MGAT4C: variants seen among roughly 807,000 people sequenced by gnomAD.
The protein encoded by MGAT4C is MGAT4 family member C.
A neutral mutation model predicts 40.1 loss-of-function variants in MGAT4C; 19 were observed. The ratio of observed to expected loss-of-function variants is 0.47; its 90% CI spans 0.33 to 0.70. The LOEUF is 0.70. Ranked by LOEUF, MGAT4C falls within the 30% of genes least tolerant of loss-of-function variation. MGAT4C has a pLI of 0.02. For synonymous variants in MGAT4C, 181 were observed against 187.1 expected, an observed-to-expected ratio of 0.97 and a Z score of 0.27; for missense variants, 491 against 563.2, an observed-to-expected ratio of 0.87 and a Z score of 1.30.
chr12:86,154,539 C>T (rs752576822), intron 1 of MGAT4C, among the ~76,000 whole-genome samples: 2 of 152,240 alleles, frequency 1.3e-5, no homozygotes, highest in Admixed American at 1.3e-4. Flanking sequence ...AAACTTGCTT[C>T]TTGTAACTTC....
intron 1 of MGAT4C, among the ~76,000 whole-genome samples, chr12:86,774,303 C>CTTTCT (rs1491273596): frequency 2.8e-4 from 7 of 24,868 alleles, no homozygotes; most frequent in Middle Eastern, 0.015. Context: ...TTCTTTCTTT[C>CTTTCT]TTTCTTTCTT....
intron 4 of MGAT4C, among the ~76,000 whole-genome samples, chr12:86,306,745 T>C (rs1369882450): frequency 2.7e-5 from 4 of 150,532 alleles, no homozygotes; most frequent in Non-Finnish European, 4.4e-5. Context: ...TTTACATATA[T>C]ACATGCTAAG....
rs527699394 is a variant in MGAT4C at position 85,969,413 on chromosome 12, G to C, written c.*9876C>G. On this transcript the variant is annotated 3_prime_UTR_variant, in exon 5 of 5. Coordinates refer to ENST00000611864, the MANE Select transcript of MGAT4C (RefSeq NM_001351288.2). ...TTGGTATGTTTGGGGCTGGTGTTAT[G>C]AAAGACTATTATATGATTAATACAA... is the stretch of plus-strand genomic sequence containing the variant. 6.6e-6 allele frequency: 1 copy of C among 151,696 alleles called. No individual in the cohort carries two copies. The highest frequency in any genetic ancestry group is 1.9e-4 in the East Asian group (1 of 5,174). 9.4% of individuals were successfully genotyped at this position (151,696 alleles called of 1,614,324 possible). A position where few individuals can be genotyped will look rare whatever the true frequency, so the allele number is the denominator to read the frequency against.
intron 1 of MGAT4C, among the ~76,000 whole-genome samples, chr12:86,237,365 G>A (rs1348548031): frequency 1.3e-5 from 2 of 151,638 alleles, no homozygotes; most frequent in Non-Finnish European, 3.0e-5. Flanking sequence ...AATTAAAGGG[G>A]AAAATGTGTA....
chr12:86,837,337 CCT>C (rs1457434509), intron 1 of MGAT4C, among the ~76,000 whole-genome samples: 3 of 151,948 alleles, frequency 2.0e-5, no homozygotes, highest in Non-Finnish European at 4.4e-5. Context: ...TTTTACAATC[CCT>C]GTGAGGAAAA....
At chr12:86,472,442 T>A (rs1957769757) in intron 2 of MGAT4C, among the ~76,000 whole-genome samples, 2 of 152,126 alleles carry the variant, frequency 1.3e-5, no homozygotes, top group Non-Finnish European at 2.9e-5. Context: ...ACATCTGAGG[T>A]TTTGGTAGTC....
chr12:86,227,396 T>G (rs1360319202), intron 1 of MGAT4C, among the ~76,000 whole-genome samples: 1 of 151,852 alleles, frequency 6.6e-6, no homozygotes, highest in Non-Finnish European at 1.5e-5. Context: ...GACTTACTAT[T>G]TCTCTCTGTA....
At chr12:86,155,561 A>G (rs1884831175) in intron 1 of MGAT4C, among the ~76,000 whole-genome samples, 2 of 152,238 alleles carry the variant, frequency 1.3e-5, no homozygotes, top group Non-Finnish European at 2.9e-5. Context: ...GCTTCAGTAC[A>G]TGGAGAGATG....
chr12:86,079,013 A>G (rs563968102), intron 1 of MGAT4C, among the ~76,000 whole-genome samples: 2 of 152,296 alleles, frequency 1.3e-5, no homozygotes, highest in South Asian at 2.1e-4. Flanking sequence ...TTAAAATTAG[A>G]CCTAGACGAG....
intron 1 of MGAT4C, among the ~76,000 whole-genome samples, chr12:86,058,072 A>C (rs888996276): frequency 6.6e-6 from 1 of 152,128 alleles, no homozygotes; most frequent in Non-Finnish European, 1.5e-5. Context: ...GAGAGAGTAA[A>C]TAAAATGTAC....
In MGAT4C at chr12:85,975,270, A is replaced by T. The variant is rs546988238; in HGVS notation, c.*4019T>A. The T allele has an allele frequency of 6.6e-6, 1 of 151,116 alleles. No individual in the cohort carries two copies. The highest frequency in any genetic ancestry group is 6.6e-5 in the Admixed American group (1 of 15,132). The allele number at this position is 151,116 out of a possible 1,614,324, so 9.4% of individuals were successfully genotyped here. On this transcript the variant is annotated 3_prime_UTR_variant, in exon 5 of 5. Transcript: ENST00000611864. ...TTTTTAAAGGGCAGTAAATTTTATAATTGTTATTGATTACAATGAAGGCCT... is the reference window on the plus strand; with the variant it reads ...TTTTTAAAGGGCAGTAAATTTTATATTTGTTATTGATTACAATGAAGGCCT...
intron 2 of MGAT4C, chr12:86,016,473 G>A (rs1304256657): frequency 2.0e-5 from 3 of 152,270 alleles, no homozygotes; most frequent in South Asian, 2.1e-4. Flanking sequence ...TGATACCAAC[G>A]TTATCATCCC....
At chr12:86,785,158 A>G (rs969777622) in intron 1 of MGAT4C, among the ~76,000 whole-genome samples, 2 of 152,074 alleles carry the variant, frequency 1.3e-5, no homozygotes, top group Non-Finnish European at 2.9e-5. Context: ...TTCATGCACT[A>G]TTTATCATTC....
intron 1 of MGAT4C, among the ~76,000 whole-genome samples, chr12:86,750,044 T>C (rs979770194): frequency 6.6e-6 from 1 of 151,834 alleles, no homozygotes; most frequent in African/African-American, 2.4e-5. Context: ...AGTTCCCATA[T>C]GACTGAACTG....
intron 2 of MGAT4C, among the ~76,000 whole-genome samples, chr12:86,658,542 T>C (rs1963902057): frequency 6.6e-6 from 1 of 152,072 alleles, no homozygotes; most frequent in African/African-American, 2.4e-5. Flanking sequence ...GGATTACTAT[T>C]AAAAGAATTA....
chr12:86,788,723 G>A (rs1374014434), intron 1 of MGAT4C, among the ~76,000 whole-genome samples: 1 of 151,962 alleles, frequency 6.6e-6, no homozygotes, highest in African/African-American at 2.4e-5. Context: ...TTTCAAAGAT[G>A]GAATAAAAAT....
rs1305323779 is a variant in MGAT4C at position 86,034,183 on chromosome 12, T to C, written c.-7+15491A>G. ...ATTTTGATGTGGATTTTTGCATCTG[T>C]GTTTACCAAGGATATTGGCATGAAG... On this transcript the variant is annotated intron_variant, in intron 2 of 4. Coordinates refer to ENST00000611864, the MANE Select transcript of MGAT4C (RefSeq NM_001351288.2). Among the ~76,000 whole-genome samples the C allele has an allele frequency of 3.3e-5, 5 of 149,984 alleles. 1 individual carries two copies. The highest frequency in any genetic ancestry group is 1.2e-4 in the African/African-American group (5 of 41,368).
At chr12:86,210,938 C>T (rs1339286786) in intron 1 of MGAT4C, among the ~76,000 whole-genome samples, 2 of 151,950 alleles carry the variant, frequency 1.3e-5, no homozygotes, top group Non-Finnish European at 2.9e-5. Context: ...CAGTTTGTTT[C>T]TAATCTGATT....
intron 1 of MGAT4C, among the ~76,000 whole-genome samples, chr12:86,772,650 A>C (rs1211988431): frequency 2.6e-5 from 4 of 152,168 alleles, no homozygotes; most frequent in Non-Finnish European, 5.9e-5. Context: ...CAGAGGACTT[A>C]AGATTTGGCT....
Sources: allele counts gnomAD v4.1 joint callset (sites outside exome capture counted in the v4.1 genomes callset), GRCh38; gene constraint gnomAD v4.1.1; transcripts MANE v1.5; gene names NCBI Gene and HGNC (gene_info 2026-07-23, HGNC 2026-07-21).